Variants in DNAJB6 observed in about 807,000 individuals in gnomAD.
DNAJB6 encodes dnaJ homolog subfamily B member 6.
A neutral mutation model predicts 42.7 loss-of-function variants in DNAJB6; 16 were observed. The ratio of observed to expected loss-of-function variants is 0.37; its 90% CI spans 0.25 to 0.57. DNAJB6 has a LOEUF of 0.57. DNAJB6 is among the 20% of genes least tolerant of loss of function. The probability of loss-of-function intolerance (pLI) is 0.74; values close to 1 mark genes in which losing one functional copy is unlikely to be tolerated. For synonymous variants in DNAJB6, 170 were observed against 163.5 expected (o/e 1.04, Z -0.30); for missense variants, 347 against 416.8 (o/e 0.83, Z 1.46).
chr7:157,337,927 C>CT (rs35137769), intron 1 of DNAJB6: 107,844 of 151,604 alleles, frequency 0.71, 38,771 homozygotes, highest in African/African-American at 0.85. Context: ...TCTGTGCTAA[C>CT]TTCTCACGTA....
rs1800015209 is a variant in DNAJB6 at position 157,369,575 on chromosome 7, C to CAGGCCGTTTCTCAACATTATTATTAAAT, written c.346+2098_346+2125dup. Reference sequence around the variant, plus strand: ...GGGCTTTCTTACCATTATTATTAAACAGGCCGTTTCTCAACATTATTATTA... The same window carrying CAGGCCGTTTCTCAACATTATTATTAAAT: ...GGGCTTTCTTACCATTATTATTAAACAGGCCGTTTCTCAACATTATTATTAAATAGGCCGTTTCTCAACATTATTATTA... On this transcript the variant is annotated intron_variant, in intron 5 of 9. Transcript: ENST00000262177. The CAGGCCGTTTCTCAACATTATTATTAAAT allele has an allele frequency of 6.0e-6, 2 of 333,284 alleles. 1 individual carries two copies. Among genetic ancestry groups the CAGGCCGTTTCTCAACATTATTATTAAAT allele is most frequent in the African/African-American group, 4.4e-5 (2 of 45,744 alleles). The allele number at this position is 333,284 out of a possible 1,614,324, so 20.6% of individuals were successfully genotyped here.
At chr7:157,342,380 C>T (rs1798443991) in intron 1 of DNAJB6, among the ~76,000 whole-genome samples, 1 of 135,844 alleles carries the variant, frequency 7.4e-6, no homozygotes, top group African/African-American at 2.8e-5. Context: ...TCTTGTTGCC[C>T]AGGCTGGAGT....
chr7:157,410,310 T>G, intron 9 of DNAJB6: 1 of 525,856 alleles, frequency 1.9e-6, no homozygotes, highest in Admixed American at 4.1e-5. Flanking sequence ...TAGACGTGCC[T>G]TTTCGTAGCT....
At chr7:157,363,308 C>A in intron 3 of DNAJB6, 38 bp downstream of exon 3, 1 of 1,443,628 alleles carries the variant, frequency 6.9e-7, no homozygotes, top group Non-Finnish European at 9.7e-7. Context: ...CCTGAGCGGG[C>A]ATGCCGGAAT....
At chr7:157,347,097 C>T (rs1040935835) in intron 1 of DNAJB6, among the ~76,000 whole-genome samples, 6 of 152,182 alleles carry the variant, frequency 3.9e-5, no homozygotes, top group African/African-American at 1.4e-4. Context: ...CCTCGTGATT[C>T]GCCTGCCTCG....
chr7:157,353,128 G>A (rs772729395), intron 1 of DNAJB6, among the ~76,000 whole-genome samples: 3 of 149,852 alleles, frequency 2.0e-5, no homozygotes, highest in East Asian at 4.0e-4. Flanking sequence ...GGGTTTCGCC[G>A]TGTTGCCAAG....
rs568080249 is a variant in DNAJB6, at chr7:157,386,385, C to T, written c.691+774C>T. 12 of 900,012 alleles carry T rather than the reference C, an allele frequency of 1.3e-5. No homozygotes were observed. In the East Asian group the frequency reaches 7.1e-4, roughly 54 times the overall value. The allele number at this position is 900,012 out of a possible 1,614,324, so 55.8% of individuals were successfully genotyped here. On this transcript the variant is annotated intron_variant, in intron 8 of 9. Coordinates refer to ENST00000262177, the MANE Select transcript of DNAJB6 (RefSeq NM_058246.4). Reference sequence around the variant, plus strand: ...TTCTAGTGTCACTTTAATAGCGTTTCGTGCTGTTCATTCAGGTGGATGCCG... The same window carrying T: ...TTCTAGTGTCACTTTAATAGCGTTTTGTGCTGTTCATTCAGGTGGATGCCG...
At chr7:157,375,046 G>A (rs748773355) in intron 5 of DNAJB6, among the ~76,000 whole-genome samples, 13 of 152,182 alleles carry the variant, frequency 8.5e-5, no homozygotes, top group Non-Finnish European at 1.6e-4. Flanking sequence ...GCTCCCAGGG[G>A]GAGATGTTCT....
At chr7:157,339,504 G>C (rs1473544760) in intron 1 of DNAJB6, among the ~76,000 whole-genome samples, 4 of 151,588 alleles carry the variant, frequency 2.6e-5, no homozygotes, top group Non-Finnish European at 5.9e-5. Context: ...GTTTCACCGT[G>C]TTAGCCAGGA....
At chr7:157,366,455 G>GGGT (rs1563125309) in intron 3 of DNAJB6, 47 bp from the exon 4 acceptor site, 1 of 1,535,170 alleles carries the variant, frequency 6.5e-7, no homozygotes, top group Admixed American at 1.7e-5. Flanking sequence ...ATTGAATTAA[G>GGGT]GGTTTAAAAG....
intron 1 of DNAJB6, among the ~76,000 whole-genome samples, chr7:157,357,252 T>TTCCTTCCG (rs1554455024): frequency 2.9e-4 from 19 of 66,192 alleles, no homozygotes; most frequent in South Asian, 1.1e-3. Flanking sequence ...CCTTCCTTCC[T>TTCCTTCCG]TCCTTCCTTC....
At chr7:157,394,204 G>A (rs962040747) in intron 8 of DNAJB6, among the ~76,000 whole-genome samples, 1 of 152,074 alleles carries the variant, frequency 6.6e-6, no homozygotes, top group East Asian at 1.9e-4. Flanking sequence ...CTTCTAAGTC[G>A]TTCTTTTAAA....
chr7:157,353,262 C>G (rs1027630483), intron 1 of DNAJB6, among the ~76,000 whole-genome samples: 2 of 150,332 alleles, frequency 1.3e-5, no homozygotes, highest in Non-Finnish European at 2.9e-5. Flanking sequence ...ATGTACACTT[C>G]GTCTTTTTGA....
At chr7:157,396,958 A>G (rs1316573081) in intron 8 of DNAJB6, among the ~76,000 whole-genome samples, 2 of 152,184 alleles carry the variant, frequency 1.3e-5, no homozygotes, top group African/African-American at 4.8e-5. Flanking sequence ...TGAACCTGCC[A>G]CGGGACGTGA....
intron 1 of DNAJB6, among the ~76,000 whole-genome samples, chr7:157,354,851 A>C (rs1427630612): frequency 6.6e-6 from 1 of 152,172 alleles, no homozygotes; most frequent in Non-Finnish European, 1.5e-5. Context: ...TGAACATTTC[A>C]CAGGCACCTC....
rs575283081 is a variant in DNAJB6, at chr7:157,401,434, C to T, written c.692-8361C>T. Among the ~76,000 whole-genome samples, 82 of 152,282 alleles carry T rather than the reference C, an allele frequency of 5.4e-4. 1 individual carries two copies. The South Asian group carries it at 0.016, about 30-fold the overall frequency. On this transcript the variant is annotated intron_variant, in intron 8 of 9. Coordinates refer to ENST00000262177, the MANE Select transcript of DNAJB6 (RefSeq NM_058246.4). ...TTCTCCATGTTAGGCTGGTCTTGAACTCCTGACCTCAGGTGATCTGCCTGC... is the reference window on the plus strand; with the variant it reads ...TTCTCCATGTTAGGCTGGTCTTGAATTCCTGACCTCAGGTGATCTGCCTGC...
intron 8 of DNAJB6, among the ~76,000 whole-genome samples, chr7:157,403,630 C>T (rs1473088371): frequency 6.6e-6 from 1 of 152,100 alleles, no homozygotes; most frequent in Non-Finnish European, 1.5e-5. Flanking sequence ...CACCCCTGTG[C>T]CCTGCTGTAG....
intron 9 of DNAJB6, chr7:157,410,439 C>G: frequency 3.5e-6 from 1 of 287,758 alleles, no homozygotes; most frequent in Non-Finnish European, 6.4e-6. Context: ...GCGCTGGGTG[C>G]AGAACAAAAG....
chr7:157,407,624 G>A (rs1344588422), intron 8 of DNAJB6, among the ~76,000 whole-genome samples: 1 of 152,152 alleles, frequency 6.6e-6, no homozygotes, highest in African/African-American at 2.4e-5. Context: ...CACCTGTGCT[G>A]AGTCTCTCCT....
Sources: allele counts gnomAD v4.1 joint callset (sites outside exome capture counted in the v4.1 genomes callset), GRCh38; gene constraint gnomAD v4.1.1; transcripts MANE v1.5; gene names NCBI Gene and HGNC (gene_info 2026-07-23, HGNC 2026-07-21).